Variants in PPARA observed in about 807,000 individuals in gnomAD.
PPARA encodes peroxisome proliferator-activated receptor alpha.
In PPARA, 22 loss-of-function variants were observed where a neutral mutation model predicts 42.2. That is an observed-to-expected ratio of 0.52 (90% CI 0.37 to 0.74). The LOEUF (loss-of-function observed/expected upper bound fraction) is 0.74, where lower values mean the gene tolerates loss of function less well. PPARA is among the 30% of genes least tolerant of loss of function. The pLI is 0.00. For missense variants in PPARA, 465 were observed against 608.2 expected (o/e 0.76, Z 2.48); for synonymous variants, 242 against 239.3 (o/e 1.01, Z -0.10).
Position 46,187,639 on chromosome 22 carries a change from A to G in PPARA, c.-42-10703A>G, listed in dbSNP as rs534199210. On this transcript the variant is annotated intron_variant, in intron 3 of 8. Coordinates refer to ENST00000407236, the MANE Select transcript of PPARA (RefSeq NM_005036.6). The surrounding 1 kb of genome is among the most constrained non-coding windows in gnomAD (Gnocchi z 4.9). Reference sequence around the variant, plus strand: ...TCTGATCACGTCACACTTCCCTTCAATAGTCTTCCATGGCTCCTTATTGTT... The same window carrying G: ...TCTGATCACGTCACACTTCCCTTCAGTAGTCTTCCATGGCTCCTTATTGTT... 1.4e-3 allele frequency among the ~76,000 whole-genome samples: 213 copies of G among 152,304 alleles called. No individual in the cohort carries two copies. The highest frequency in any genetic ancestry group is 3.9e-3 in the African/African-American group (162 of 41,574).
chr22:46,166,667 G>A (rs1927125855), intron 2 of PPARA, among the ~76,000 whole-genome samples: 1 of 150,932 alleles, frequency 6.6e-6, no homozygotes, highest in Non-Finnish European at 1.5e-5. Flanking sequence ...ATTATGAAAT[G>A]CTCAGAGATA....
chr22:46,182,374 A>G lies in PPARA; in HGVS notation c.-43+5538A>G, dbSNP rs954773316. Among the ~76,000 whole-genome samples the G allele has an allele frequency of 1.3e-5, 2 of 152,250 alleles. No homozygotes were observed. Among genetic ancestry groups the G allele is most frequent in the African/African-American group, 2.4e-5 (1 of 41,464 alleles). ...CCATACAATGGAGTATTACTTTGCAATCAAAAGGAATGGCCTATGAATACC... is the reference window on the plus strand; with the variant it reads ...CCATACAATGGAGTATTACTTTGCAGTCAAAAGGAATGGCCTATGAATACC... On this transcript the variant is annotated intron_variant, in intron 3 of 8. Coordinates refer to ENST00000407236, the MANE Select transcript of PPARA (RefSeq NM_005036.6). This position sits in a 1 kb window ranked among gnomAD's most constrained non-coding sequence, Gnocchi z 5.2.
chr22:46,164,771 A>G (rs1465305181), intron 2 of PPARA: 1 of 152,196 alleles, frequency 6.6e-6, no homozygotes, highest in Non-Finnish European at 1.5e-5. Context: ...TGAAAATTTT[A>G]TTAGTGTTTT....
rs1926593849 is a variant in PPARA, at chr22:46,163,794, A to G, written c.-127+11824A>G. 6.6e-6 allele frequency: 1 copy of G among 152,176 alleles called. No individual in the cohort carries two copies. The highest frequency in any genetic ancestry group is 6.5e-5 in the Admixed American group (1 of 15,270). 9.4% of individuals were successfully genotyped at this position (152,176 alleles called of 1,614,324 possible). A position where few individuals can be genotyped will look rare whatever the true frequency, so the allele number is the denominator to read the frequency against. ...TGATGTCCTTGGAGAAGTCGCCCACACTGCTTTCCCCCATGGGAGTGACAA... is the reference window on the plus strand; with the variant it reads ...TGATGTCCTTGGAGAAGTCGCCCACGCTGCTTTCCCCCATGGGAGTGACAA... On this transcript the variant is annotated intron_variant, in intron 2 of 8. Transcript: ENST00000407236. The surrounding 1 kb of genome is among the most constrained non-coding windows in gnomAD (Gnocchi z 4.9).
rs770594319 is a variant in PPARA, at chr22:46,198,525, A to G, written c.142A>G (p.Ser48Gly). 3 of 1,614,130 alleles carry G rather than the reference A, an allele frequency of 1.9e-6. No individual in the cohort carries two copies. In the East Asian group the frequency reaches 6.7e-5, roughly 36 times the overall value. The change falls in exon 4 of 9, where the codon AGC (serine) becomes GGC (glycine). Residue 48 changes from serine (S) to glycine (G), a missense_variant. Ser to Gly is a moderately conservative substitution (Grantham distance 56, BLOSUM62 0). Transcript: ENST00000407236. ...ATCCATCGGCGAGGATAGTTCTGGA[A>G]GCTTTGGCTTTACGGAATACCAGTA... is the stretch of plus-strand genomic sequence containing the variant. ...SQSIGEDSSG[S>G]FGFTEYQYLG...
intron 2 of PPARA, among the ~76,000 whole-genome samples, chr22:46,172,938 A>G (rs927220564): frequency 1.3e-5 from 2 of 152,216 alleles, no homozygotes; most frequent in Admixed American, 6.5e-5. Flanking sequence ...AACCCTTACT[A>G]GATTTCCTGT....
rs995972750 is a variant in PPARA, at chr22:46,240,048, C to T, written c.*4668C>T. ...TGCACCCAGCTAAGACTGGCTTGAC[C>T]GACAGCCTGGCCTTTGGTGGGGGGC... On this transcript the variant is annotated 3_prime_UTR_variant, in exon 9 of 9. Transcript: ENST00000407236. This position sits in a 1 kb window ranked among gnomAD's most constrained non-coding sequence, Gnocchi z 6.0. 6.8e-5 allele frequency: 27 copies of T among 397,920 alleles called. No homozygotes were observed. The Middle Eastern group carries it at 1.9e-3, about 28-fold the overall frequency. The allele number at this position is 397,920 out of a possible 1,614,324, so 24.6% of individuals were successfully genotyped here.
chr22:46,233,100 AATG>A lies in PPARA; in HGVS notation c.1159+865_1159+867del, dbSNP rs1935997593. 6.6e-6 allele frequency among the ~76,000 whole-genome samples: 1 copy of A among 151,796 alleles called. No individual in the cohort carries two copies. Among genetic ancestry groups the A allele is most frequent in the Non-Finnish European group, 1.5e-5 (1 of 67,942 alleles). On this transcript the variant is annotated intron_variant, in intron 8 of 8. Transcript: ENST00000407236. The surrounding 1 kb of genome is among the most constrained non-coding windows in gnomAD (Gnocchi z 7.3). ...TATGATATTCCTGTATATATTATAT[AATG>A]ATGTTGTATTCATATTATAGACAAT...
At chr22:46,175,713 T>TAA (rs869225389) in intron 2 of PPARA, among the ~76,000 whole-genome samples, 1 of 133,192 alleles carries the variant, frequency 7.5e-6, no homozygotes, top group East Asian at 2.1e-4. Flanking sequence ...GACTCCATCT[T>TAA]AAAAAAAAAA....
rs535498283 is a variant in PPARA, at chr22:46,219,330, C to T, written c.509-482C>T. Reference sequence around the variant, plus strand: ...CTCGTCCATAGGAAGGGTGTACCACCTCAAACATCTCACCACGTTATGAAT... The same window carrying T: ...CTCGTCCATAGGAAGGGTGTACCACTTCAAACATCTCACCACGTTATGAAT... On this transcript the variant is annotated intron_variant, in intron 6 of 8. Transcript: ENST00000407236. The surrounding 1 kb of genome is among the most constrained non-coding windows in gnomAD (Gnocchi z 4.8). Among the ~76,000 whole-genome samples the T allele has an allele frequency of 4.6e-5, 7 of 152,284 alleles. No individual in the cohort carries two copies. The highest frequency in any genetic ancestry group is 1.4e-4 in the African/African-American group (6 of 41,554).
rs71192405 is a variant in PPARA at position 46,232,981 on chromosome 22, CAAAA to C, written c.1159+759_1159+762del. On this transcript the variant is annotated intron_variant, in intron 8 of 8. Transcript: ENST00000407236. This position sits in a 1 kb window ranked among gnomAD's most constrained non-coding sequence, Gnocchi z 5.3. ...TGGGCGACGAAGAATGACCCTGTCT[CAAAA>C]AAAAAAAAAAAAAAAATTATACACA... Among the ~76,000 whole-genome samples the C allele has an allele frequency of 2.1e-5, 2 of 93,600 alleles. No homozygotes were observed. Among genetic ancestry groups the C allele is most frequent in the African/African-American group, 7.1e-5 (2 of 28,054 alleles). 61.4% of individuals were successfully genotyped at this position (93,600 alleles called of 152,430 possible). A position where few individuals can be genotyped will look rare whatever the true frequency, so the allele number is the denominator to read the frequency against.
chr22:46,178,277 T>C (rs561876778), intron 3 of PPARA, among the ~76,000 whole-genome samples: 74 of 152,344 alleles, frequency 4.9e-4, no homozygotes, highest in Middle Eastern at 3.4e-3. Flanking sequence ...CAAATTATTA[T>C]GCCTATAGAA....
In PPARA at chr22:46,234,956, C is replaced by T. The variant is rs1360487115; in HGVS notation, c.1160-177C>T. Among the ~76,000 whole-genome samples the T allele has an allele frequency of 6.6e-6, 1 of 152,146 alleles. No homozygotes were observed. Among genetic ancestry groups the T allele is most frequent in the Non-Finnish European group, 1.5e-5 (1 of 68,026 alleles). Reference sequence around the variant, plus strand: ...ACTGGTCCTGTCTGTCCCTACTTCACCTATTGACTTTGGAAAAACCTATGT... The same window carrying T: ...ACTGGTCCTGTCTGTCCCTACTTCATCTATTGACTTTGGAAAAACCTATGT... On this transcript the variant is annotated intron_variant, in intron 8 of 8. Transcript: ENST00000407236. This position sits in a 1 kb window ranked among gnomAD's most constrained non-coding sequence, Gnocchi z 5.8.
chr22:46,171,517 G>A lies in PPARA; in HGVS notation c.-126-5236G>A, dbSNP rs1237027461. ...GGTGAGTGGGTCAAGGGTGCCAGAA[G>A]GGGTGAGGGCACCAGGAAGCTGGTC... is the stretch of plus-strand genomic sequence containing the variant. On this transcript the variant is annotated intron_variant, in intron 2 of 8. Coordinates refer to ENST00000407236, the MANE Select transcript of PPARA (RefSeq NM_005036.6). This position sits in a 1 kb window ranked among gnomAD's most constrained non-coding sequence, Gnocchi z 5.0. 6.5e-6 allele frequency: 1 copy of A among 152,726 alleles called. No homozygotes were observed. The highest frequency in any genetic ancestry group is 2.4e-5 in the African/African-American group (1 of 41,460). 9.5% of individuals were successfully genotyped at this position (152,726 alleles called of 1,614,324 possible).
At chr22:46,228,645 A>G (rs1180205803) in intron 7 of PPARA, among the ~76,000 whole-genome samples, 1 of 152,220 alleles carries the variant, frequency 6.6e-6, no homozygotes, top group East Asian at 1.9e-4. Flanking sequence ...AAAACAATAA[A>G]TAACACCAAG....
chr22:46,205,245 T>C (rs907676073), intron 4 of PPARA, among the ~76,000 whole-genome samples: 89 of 151,004 alleles, frequency 5.9e-4, no homozygotes, highest in African/African-American at 2.0e-3. Context: ...TGAGAGAGGG[T>C]CTCACCCTGA....
intron 3 of PPARA, among the ~76,000 whole-genome samples, chr22:46,177,505 G>C (rs989950372): frequency 1.3e-5 from 2 of 151,932 alleles, no homozygotes; most frequent in Non-Finnish European, 2.9e-5. Context: ...TATCCTCCAG[G>C]ATTCAAAGTG....
chr22:46,215,232 G>A lies in PPARA; in HGVS notation c.268G>A (p.Val90Met), dbSNP rs559996245. Reference protein sequence around the residue: ...SVTYPVVPGSVDESPSGALNI... With the variant: ...SVTYPVVPGSMDESPSGALNI... ...GACTTATCCTGTGGTCCCCGGCAGC[G>A]TGGACGAGTCTCCCAGTGGAGCATT... is the stretch of plus-strand genomic sequence containing the variant. Residue 90 changes from valine (V) to methionine (M), a missense_variant, in exon 5 of 9, where the codon GTG becomes ATG. Coordinates refer to ENST00000407236, the MANE Select transcript of PPARA (RefSeq NM_005036.6). 4.3e-6 allele frequency: 7 copies of A among 1,614,106 alleles called. No individual in the cohort carries two copies. The East Asian group carries it at 6.7e-5, about 15-fold the overall frequency.
chr22:46,223,882 G>A (rs1935194500), intron 7 of PPARA, among the ~76,000 whole-genome samples: 1 of 142,416 alleles, frequency 7.0e-6, no homozygotes, highest in Non-Finnish European at 1.5e-5. Flanking sequence ...CCTGGGAGGT[G>A]GAGGTTGCAG....
Sources: gnomAD v4.1 joint callset for allele counts (sites outside exome capture counted in the v4.1 genomes callset) on GRCh38, gnomAD v4.1.1 for gene constraint, Gnocchi (gnomAD v3.1) non-coding constraint, MANE v1.5 for transcripts, NCBI Gene and HGNC (gene_info 2026-07-23, HGNC 2026-07-21) for gene names.